The following GADL1 variants were observed in gnomAD, a reference collection of about 807,000 sequenced individuals.
GADL1 encodes acidic amino acid decarboxylase GADL1.
GADL1 carries 71 observed loss-of-function variants against 69.5 expected under a neutral mutation model. That is an observed-to-expected ratio of 1.02 (90% CI 0.84 to 1.25). GADL1 has a LOEUF of 1.25. GADL1 is among the 50% of genes most tolerant of loss of function. GADL1 has a pLI of 0.00. For missense variants in GADL1, 737 were observed against 631.8 expected, an observed-to-expected ratio of 1.17 and a Z score of -1.79; for synonymous variants, 254 against 214.4, an observed-to-expected ratio of 1.18 and a Z score of -1.62.
chr3:30,847,007 C>A (rs185251156), intron 6 of GADL1, among the ~76,000 whole-genome samples: 1 of 152,302 alleles, frequency 6.6e-6, no homozygotes, highest in East Asian at 1.9e-4. Flanking sequence ...TTTTACCCTA[C>A]TTTTTAGTGG....
At chr3:30,792,676 G>A (rs544365858) in intron 12 of GADL1, among the ~76,000 whole-genome samples, 2 of 152,302 alleles carry the variant, frequency 1.3e-5, no homozygotes, top group East Asian at 3.9e-4. Flanking sequence ...AGCTAGCCAT[G>A]CTCTGTGTTA....
intron 12 of GADL1, 67 bp from the exon 13 acceptor site, chr3:30,786,473 T>C (rs1484434865): frequency 6.1e-6 from 5 of 820,688 alleles, no homozygotes; most frequent in South Asian, 2.8e-5. Context: ...ATGACTGATA[T>C]GACAAAACTG....
intron 1 of GADL1, among the ~76,000 whole-genome samples, chr3:30,882,679 CAGAAGT>C (rs887846240): frequency 3.9e-5 from 6 of 152,050 alleles, no homozygotes; most frequent in African/African-American, 7.2e-5. Context: ...GGTAGATACT[CAGAAGT>C]AGAATTGCTG....
intron 11 of GADL1, among the ~76,000 whole-genome samples, chr3:30,825,367 T>A (rs1188356242): frequency 6.6e-6 from 1 of 151,972 alleles, no homozygotes; most frequent in Admixed American, 6.6e-5. Context: ...ATTTTCAACT[T>A]CTGAGCTACT....
intron 14 of GADL1, among the ~76,000 whole-genome samples, chr3:30,769,148 C>A (rs938082668): frequency 6.6e-6 from 1 of 152,132 alleles, no homozygotes; most frequent in Admixed American, 6.5e-5. Flanking sequence ...CTGCAAGCCA[C>A]CATCCTAGGC....
chr3:30,891,835 G>A lies in GADL1; in HGVS notation c.37+2743C>T, dbSNP rs79323349. On this transcript the variant is annotated intron_variant, in intron 1 of 14. Transcript: ENST00000282538. ...AAACAAAAAATGAAAAAGTCACAGAGAAAAAGAGAAAATCTAGAGTGGGGT... is the reference window on the plus strand; with the variant it reads ...AAACAAAAAATGAAAAAGTCACAGAAAAAAAGAGAAAATCTAGAGTGGGGT... Among the ~76,000 whole-genome samples, 639 of 151,424 alleles carry A rather than the reference G, an allele frequency of 4.2e-3. 5 individuals carry two copies. Among genetic ancestry groups the A allele is most frequent in the African/African-American group, 0.015 (616 of 41,112 alleles).
At chr3:30,786,751 C>G (rs1014835146) in intron 12 of GADL1, among the ~76,000 whole-genome samples, 1 of 152,190 alleles carries the variant, frequency 6.6e-6, no homozygotes, top group African/African-American at 2.4e-5. Context: ...TAGGTACTTA[C>G]ATTAAATAGC....
chr3:30,815,719 A>C (rs531647341), intron 11 of GADL1, among the ~76,000 whole-genome samples: 4 of 152,332 alleles, frequency 2.6e-5, no homozygotes, highest in African/African-American at 9.6e-5. Context: ...ATAGGTTCCA[A>C]AGGGGATTAA....
At chr3:30,758,044 C>T (rs1484894768) in intron 14 of GADL1, among the ~76,000 whole-genome samples, 1 of 152,158 alleles carries the variant, frequency 6.6e-6, no homozygotes, top group African/African-American at 2.4e-5. Flanking sequence ...ATAGACGAAA[C>T]TTCTCAAGAT....
In GADL1 at chr3:30,836,571, G is replaced by A. The variant is rs1697878299; in HGVS notation, c.904-2290C>T. 2.0e-5 allele frequency among the ~76,000 whole-genome samples: 3 copies of A among 152,018 alleles called. No homozygotes were observed. The South Asian group carries it at 6.2e-4, about 31-fold the overall frequency. On this transcript the variant is annotated intron_variant, in intron 9 of 14. Transcript: ENST00000282538. ...CTATTACTATATGTGAGGCACCACA[G>A]TATATCATTTTATATATATTTGTCT...
At chr3:30,777,011 T>C (rs1026852518) in intron 14 of GADL1, among the ~76,000 whole-genome samples, 3 of 152,210 alleles carry the variant, frequency 2.0e-5, no homozygotes, top group Non-Finnish European at 2.9e-5. Context: ...CTCTCTACTT[T>C]CACTGCAAAC....
At chr3:30,890,303 T>G (rs928272403) in intron 1 of GADL1, among the ~76,000 whole-genome samples, 1 of 152,206 alleles carries the variant, frequency 6.6e-6, no homozygotes, top group African/African-American at 2.4e-5. Context: ...ATGTACCTAT[T>G]ATGTGCCAGG....
At chr3:30,748,217 C>T (rs1016798669) in intron 14 of GADL1, among the ~76,000 whole-genome samples, 3 of 152,104 alleles carry the variant, frequency 2.0e-5, no homozygotes, top group Admixed American at 6.6e-5. Flanking sequence ...TATGAGGAAG[C>T]GCATGGACGT....
chr3:30,889,945 C>T (rs981056254), intron 1 of GADL1, among the ~76,000 whole-genome samples: 1 of 152,144 alleles, frequency 6.6e-6, no homozygotes, highest in Non-Finnish European at 1.5e-5. Flanking sequence ...TACCTAGAGA[C>T]AACACCTATT....
chr3:30,754,675 C>T (rs1695922103), intron 14 of GADL1, among the ~76,000 whole-genome samples: 1 of 152,060 alleles, frequency 6.6e-6, no homozygotes, highest in Non-Finnish European at 1.5e-5. Flanking sequence ...GACATAAAAT[C>T]TCAACTGCCT....
chr3:30,817,900 A>T (rs1697501982), intron 11 of GADL1, among the ~76,000 whole-genome samples: 1 of 152,240 alleles, frequency 6.6e-6, no homozygotes, highest in African/African-American at 2.4e-5. Flanking sequence ...GTAGCCTTAC[A>T]AAAGAGAAGT....
intron 14 of GADL1, among the ~76,000 whole-genome samples, chr3:30,751,901 CTTGT>C (rs1395482227): frequency 2.0e-5 from 3 of 152,236 alleles, no homozygotes; most frequent in Non-Finnish European, 4.4e-5. Context: ...CCCAACCAAT[CTTGT>C]TTCTCTCCCC....
chr3:30,777,356 A>G (rs1274656420), intron 14 of GADL1, among the ~76,000 whole-genome samples: 2 of 152,194 alleles, frequency 1.3e-5, no homozygotes, highest in Non-Finnish European at 2.9e-5. Context: ...ATCCCACTCA[A>G]GAGGTAGGGA....
chr3:30,753,012 A>G (rs891308764), intron 14 of GADL1, among the ~76,000 whole-genome samples: 1 of 151,178 alleles, frequency 6.6e-6, no homozygotes, highest in African/African-American at 2.5e-5. Flanking sequence ...TTAAAAATAG[A>G]TTCCTAAAGG....
Sources: gnomAD v4.1 joint callset for allele counts (sites outside exome capture counted in the v4.1 genomes callset) on GRCh38, gnomAD v4.1.1 for gene constraint, MANE v1.5 for transcripts, NCBI Gene and HGNC (gene_info 2026-07-23, HGNC 2026-07-21) for gene names.